Variants in ULK2 observed in about 807,000 individuals in gnomAD.
ULK2 encodes the protein unc-51 like autophagy activating kinase 2, also known as serine/threonine-protein kinase ULK2.
In ULK2, 76 loss-of-function variants were observed where a neutral mutation model predicts 127.5. The observed-to-expected ratio is 0.60, with a 90% CI of 0.50 to 0.72. ULK2 has a LOEUF of 0.72. ULK2 is among the 30% of genes least tolerant of loss of function. The probability of loss-of-function intolerance (pLI) is 0.00; values close to 1 mark genes in which losing one functional copy is unlikely to be tolerated. For missense variants in ULK2, 1,144 were observed against 1,295.9 expected (o/e 0.88, Z 1.80); for synonymous variants, 452 against 461.9 (o/e 0.98, Z 0.28).
At chr17:19,808,023 T>C (rs2087551050) in intron 14 of ULK2, among the ~76,000 whole-genome samples, 2 of 152,122 alleles carry the variant, frequency 1.3e-5, no homozygotes, top group African/African-American at 4.8e-5. Flanking sequence ...GGAGAATTGC[T>C]TGAACCTGGG....
chr17:19,843,147 A>G lies in ULK2; in HGVS notation c.619T>C (p.Cys207Arg). Residue 207 changes from cysteine (C) to arginine (R), a missense_variant, in exon 8 of 27, where the codon TGC becomes CGC. By Grantham distance (180) the Cys-to-Arg change is radical (BLOSUM62 -3). Transcript: ENST00000395544. ...LWSIGTVIYQ[C>R]LVGKPPFQAN... ...TGAAAAGGTGGTTTTCCAACTAGGCATTGGTATATCACTGTTCCTATGCTC... is the reference window on the plus strand; with the variant it reads ...TGAAAAGGTGGTTTTCCAACTAGGCGTTGGTATATCACTGTTCCTATGCTC... 2 of 1,614,020 alleles carry G rather than the reference A, an allele frequency of 1.2e-6. No homozygotes were observed. The highest frequency in any genetic ancestry group is 1.7e-6 in the Non-Finnish European group (2 of 1,179,988).
At chr17:19,857,537 G>A (rs1346399828) in intron 3 of ULK2, among the ~76,000 whole-genome samples, 1 of 152,064 alleles carries the variant, frequency 6.6e-6, no homozygotes, top group Admixed American at 6.6e-5. Context: ...TTTTTTGTCA[G>A]ATGTCTCAGT....
intron 13 of ULK2, among the ~76,000 whole-genome samples, chr17:19,812,961 G>A (rs1052468934): frequency 6.6e-6 from 1 of 152,114 alleles, no homozygotes; most frequent in Non-Finnish European, 1.5e-5. Flanking sequence ...AAAACAGAGG[G>A]TCTCTGAACT....
intron 20 of ULK2, among the ~76,000 whole-genome samples, chr17:19,795,058 G>A (rs554422432): frequency 6.6e-5 from 10 of 151,818 alleles, no homozygotes; most frequent in Non-Finnish European, 1.0e-4. Flanking sequence ...CAACCTGGGC[G>A]ACTGAGCGAG....
chr17:19,830,128 T>C (rs1039750237), intron 10 of ULK2, among the ~76,000 whole-genome samples: 1 of 152,114 alleles, frequency 6.6e-6, no homozygotes, highest in African/African-American at 2.4e-5. Flanking sequence ...GAGCAGAGCA[T>C]ATATTTTTCT....
intron 8 of ULK2, among the ~76,000 whole-genome samples, chr17:19,842,274 C>T (rs1343027867): frequency 2.0e-5 from 3 of 149,298 alleles, no homozygotes; most frequent in Non-Finnish European, 4.4e-5. Flanking sequence ...CTCGGCTCAC[C>T]GCAACCTTCG....
chr17:19,846,485 T>C (rs534352265), intron 6 of ULK2, among the ~76,000 whole-genome samples: 2 of 151,680 alleles, frequency 1.3e-5, no homozygotes, highest in East Asian at 3.9e-4. Context: ...ACTAAAAATA[T>C]AAAATTTAGC....
intron 10 of ULK2, among the ~76,000 whole-genome samples, chr17:19,828,722 G>A (rs1472084842): frequency 6.6e-6 from 1 of 152,214 alleles, no homozygotes; most frequent in Admixed American, 6.5e-5. Context: ...TTCCTCATCA[G>A]TAATTACTTT....
At chr17:19,827,399 T>A (rs1172887006) in intron 10 of ULK2, among the ~76,000 whole-genome samples, 1 of 152,186 alleles carries the variant, frequency 6.6e-6, no homozygotes, top group African/African-American at 2.4e-5. Context: ...TAAATACCAA[T>A]GTGGGTTTCC....
chr17:19,785,468 C>A (rs2087008523), intron 21 of ULK2, among the ~76,000 whole-genome samples: 1 of 151,928 alleles, frequency 6.6e-6, no homozygotes, highest in African/African-American at 2.4e-5. Context: ...CTGCCTCAGC[C>A]TCCCAAAGTA....
chr17:19,822,106 C>A (rs2041163840), intron 12 of ULK2, among the ~76,000 whole-genome samples: 1 of 152,046 alleles, frequency 6.6e-6, no homozygotes, highest in Non-Finnish European at 1.5e-5. Flanking sequence ...CCACCTCAGC[C>A]TCCCAAGTAG....
At chr17:19,792,873 T>C (rs908082041) in intron 20 of ULK2, among the ~76,000 whole-genome samples, 2 of 152,210 alleles carry the variant, frequency 1.3e-5, no homozygotes, top group Non-Finnish European at 2.9e-5. Context: ...TCGTATTTCC[T>C]GATTTCAAAA....
chr17:19,799,445 C>A, intron 17 of ULK2, 50 bp downstream of exon 17: 1 of 1,381,460 alleles, frequency 7.2e-7, no homozygotes, highest in Non-Finnish European at 9.7e-7. Context: ...CAACTCAAAT[C>A]CATTTATAAT....
intron 3 of ULK2, among the ~76,000 whole-genome samples, chr17:19,860,613 C>T (rs867595393): frequency 6.6e-5 from 10 of 151,436 alleles, no homozygotes; most frequent in African/African-American, 2.4e-4. Flanking sequence ...CAATCTCCGC[C>T]TCTTCAGTTC....
At chr17:19,776,563 G>A (rs936183475) in intron 26 of ULK2, among the ~76,000 whole-genome samples, 156 bp from the exon 27 acceptor site, 1 of 152,152 alleles carries the variant, frequency 6.6e-6, no homozygotes, top group African/African-American at 2.4e-5. Flanking sequence ...GTGCTGCAAA[G>A]TGGTAAAATT....
intron 8 of ULK2, 131 bp downstream of exon 8, chr17:19,842,990 T>C (rs572276035): frequency 2.5e-6 from 2 of 789,590 alleles, no homozygotes; most frequent in South Asian, 3.1e-5. Context: ...TTTTTGCCTA[T>C]AACAGAATCA....
At chr17:19,793,450 C>A (rs1370237784) in intron 20 of ULK2, among the ~76,000 whole-genome samples, 1 of 152,106 alleles carries the variant, frequency 6.6e-6, no homozygotes, top group Non-Finnish European at 1.5e-5. Flanking sequence ...AATAGCCCAT[C>A]CAAAAGAATA....
intron 3 of ULK2, among the ~76,000 whole-genome samples, chr17:19,854,292 C>T (rs1449794840): frequency 1.3e-5 from 2 of 148,220 alleles, no homozygotes; most frequent in Non-Finnish European, 3.0e-5. Flanking sequence ...AAAAAAAGCA[C>T]ACACAAAAAA....
intron 20 of ULK2, among the ~76,000 whole-genome samples, chr17:19,788,184 G>A (rs913116597): frequency 6.6e-6 from 1 of 152,054 alleles, no homozygotes; most frequent in Non-Finnish European, 1.5e-5. Flanking sequence ...GTGCCGTGCT[G>A]GGCTTAAAGC....
Sources: gnomAD v4.1 joint callset for allele counts (sites outside exome capture counted in the v4.1 genomes callset) on GRCh38, gnomAD v4.1.1 for gene constraint, MANE v1.5 for transcripts, NCBI Gene and HGNC (gene_info 2026-07-23, HGNC 2026-07-21) for gene names.